Variants in OSBP2 observed in about 807,000 individuals in gnomAD.
The protein encoded by OSBP2 is oxysterol-binding protein 2.
In OSBP2, 66 loss-of-function variants were observed where a neutral mutation model predicts 96.0. The ratio of observed to expected loss-of-function variants is 0.69; its 90% CI spans 0.56 to 0.84. OSBP2 has a LOEUF of 0.84. Ranked by LOEUF, OSBP2 falls within the 40% of genes least tolerant of loss-of-function variation. OSBP2 has a pLI of 0.00. For missense variants in OSBP2, 1,038 were observed against 1,222.7 expected (o/e 0.85, Z 2.25); for synonymous variants, 525 against 520.9 (o/e 1.01, Z -0.11).
Position 30,871,786 on chromosome 22 carries a change from C to A in OSBP2, c.1107+1104C>A, listed in dbSNP as rs540334354. Among the ~76,000 whole-genome samples the A allele has an allele frequency of 6.6e-6, 1 of 152,334 alleles. No homozygotes were observed. The highest frequency in any genetic ancestry group is 2.4e-5 in the African/African-American group (1 of 41,588). ...ATAGAGGCTGGAGCTCACCGCAGGC[C>A]AAGAGCCCAGGCTAAAACCTGGGCA... On this transcript the variant is annotated intron_variant, in intron 3 of 13. Transcript: ENST00000332585. The surrounding 1 kb of genome is among the most constrained non-coding windows in gnomAD (Gnocchi z 4.7).
intron 2 of OSBP2, among the ~76,000 whole-genome samples, chr22:30,787,325 G>T (rs2090605140): frequency 6.6e-6 from 1 of 152,050 alleles, no homozygotes; most frequent in Non-Finnish European, 1.5e-5. Context: ...CTAAGAGGAG[G>T]GGGAAGCCCC....
chr22:30,902,681 C>G (rs9621131), intron 12 of OSBP2: 8 of 550,632 alleles, frequency 1.5e-5, no homozygotes, highest in Non-Finnish European at 2.4e-5. Flanking sequence ...GCTTAAACCT[C>G]GAATGTTGTG....
At chr22:30,900,168 C>A (rs2040165036) in intron 12 of OSBP2, among the ~76,000 whole-genome samples, 1 of 151,776 alleles carries the variant, frequency 6.6e-6, no homozygotes, top group South Asian at 2.1e-4. Context: ...GCAGGAGAAT[C>A]ACTTGAACCC....
At chr22:30,760,430 A>G (rs2090192678) in intron 2 of OSBP2, among the ~76,000 whole-genome samples, 1 of 152,236 alleles carries the variant, frequency 6.6e-6, no homozygotes, top group African/African-American at 2.4e-5. Context: ...AACCAGCAAT[A>G]CAATAGAATA....
intron 1 of OSBP2, among the ~76,000 whole-genome samples, chr22:30,710,479 TAGTGGA>T (rs2089329527): frequency 1.3e-5 from 2 of 152,318 alleles, no homozygotes; most frequent in South Asian, 4.1e-4. Context: ...TGTCTTTAGT[TAGTGGA>T]AGTCTCTTCA....
chr22:30,887,605 G>T lies in OSBP2; in HGVS notation c.1287G>T (p.Lys429Asn), dbSNP rs904655120. Residue 429 changes from lysine to asparagine, a missense_variant, in exon 4 of 14, where the codon AAG (lysine) becomes AAT (asparagine). This residue lies in a region of OSBP2 where 737 missense variants were observed against 913.3 expected (regional missense o/e 0.81). Coordinates refer to ENST00000332585, the MANE Select transcript of OSBP2 (RefSeq NM_030758.4). ...CTGGCCGGCCGGCCAACCCCTCCAA[G>T]AGCTTCATTGAGGGTGAGTGGGCAG... is the stretch of plus-strand genomic sequence containing the variant. ...SAPGRPANPS[K>N]SFIEGSLLTP... 3.8e-6 allele frequency: 6 copies of T among 1,599,730 alleles called. No individual in the cohort carries two copies. Among genetic ancestry groups the T allele is most frequent in the Non-Finnish European group, 4.3e-6 (5 of 1,173,994 alleles).
At chr22:30,848,714 C>G (rs1254783623) in intron 2 of OSBP2, among the ~76,000 whole-genome samples, 1 of 152,114 alleles carries the variant, frequency 6.6e-6, no homozygotes, top group Non-Finnish European at 1.5e-5. Context: ...CAGTATCATG[C>G]TTTTGAGGTT....
chr22:30,699,058 C>T (rs1262402893), intron 1 of OSBP2, among the ~76,000 whole-genome samples: 2 of 152,152 alleles, frequency 1.3e-5, no homozygotes, highest in African/African-American at 4.8e-5. Context: ...TCTCATGCCT[C>T]AGCCTCCTGA....
At chr22:30,904,613 C>T (rs2079221) in intron 12 of OSBP2, among the ~76,000 whole-genome samples, 58,773 of 150,936 alleles carry the variant, frequency 0.39, 12,160 homozygotes, top group East Asian at 0.67. Flanking sequence ...TATATATATA[C>T]ACACATTAGG....
At chr22:30,857,982 A>G (rs1173202617) in intron 2 of OSBP2, among the ~76,000 whole-genome samples, 1 of 152,216 alleles carries the variant, frequency 6.6e-6, no homozygotes, top group Admixed American at 6.5e-5. Flanking sequence ...TACACTGCAG[A>G]CAGAAGAGGC....
intron 12 of OSBP2, among the ~76,000 whole-genome samples, chr22:30,900,681 G>A (rs1183971641): frequency 1.3e-5 from 2 of 152,110 alleles, no homozygotes; most frequent in African/African-American, 4.8e-5. Context: ...GATCTTGTGG[G>A]AAGATGGAAT....
chr22:30,834,944 C>T (rs2038602485), intron 2 of OSBP2, among the ~76,000 whole-genome samples: 1 of 151,870 alleles, frequency 6.6e-6, no homozygotes, highest in Non-Finnish European at 1.5e-5. Context: ...GTCTCCTGAG[C>T]AGCTGAGAAT....
At chr22:30,891,996 A>C (rs1294048535) in intron 8 of OSBP2, among the ~76,000 whole-genome samples, 4 of 152,036 alleles carry the variant, frequency 2.6e-5, no homozygotes, top group African/African-American at 9.7e-5. Flanking sequence ...AAAGGAAAGG[A>C]GGGTGAAGAA....
chr22:30,889,244 G>C lies in OSBP2; in HGVS notation c.1476+10G>C. On this transcript the variant is annotated intron_variant, in intron 6 of 13. Transcript: ENST00000332585. ...GAGCTCAGCAGACAATGTAAGTGAG[G>C]GGGAGCACTGTAAGGGCCAGAAGGC... 1 of 1,612,396 alleles carries C rather than the reference G, an allele frequency of 6.2e-7. No individual in the cohort carries two copies. Among genetic ancestry groups the C allele is most frequent in the South Asian group, 1.1e-5 (1 of 90,968 alleles).
At position 30,717,090 on chromosome 22, in the gene OSBP2, T is replaced by TG. The variant is rs1555907469; in HGVS notation, c.644+21537_644+21538insG. ...CTATTTTGTTTTAATTTTACTGTTT[T>TG]TGTGTGTGTGTGTGTGTGTGTGTGT... On this transcript the variant is annotated intron_variant, in intron 1 of 13. Coordinates refer to ENST00000332585, the MANE Select transcript of OSBP2 (RefSeq NM_030758.4). 7.9e-3 allele frequency among the ~76,000 whole-genome samples: 934 copies of TG among 118,364 alleles called. 35 individuals carry two copies. The highest frequency in any genetic ancestry group is 0.065 in the Admixed American group (776 of 11,922). 77.7% of individuals were successfully genotyped at this position (118,364 alleles called of 152,430 possible).
intron 2 of OSBP2, among the ~76,000 whole-genome samples, chr22:30,849,286 G>T (rs1329493072): frequency 6.6e-6 from 1 of 151,944 alleles, no homozygotes; most frequent in Non-Finnish European, 1.5e-5. Context: ...GAAAAGAAAA[G>T]AAAGAATTTA....
At chr22:30,771,224 G>A (rs1013772681) in intron 2 of OSBP2, among the ~76,000 whole-genome samples, 1 of 152,206 alleles carries the variant, frequency 6.6e-6, no homozygotes. Context: ...CCTTACCTGT[G>A]TCTAGCCCAG....
chr22:30,828,590 G>T (rs2038454505), intron 2 of OSBP2, among the ~76,000 whole-genome samples: 1 of 152,238 alleles, frequency 6.6e-6, no homozygotes, highest in South Asian at 2.1e-4. Context: ...AGTGGGCAGG[G>T]ATCCCAGCAG....
chr22:30,704,949 T>C (rs2089228462), intron 1 of OSBP2, among the ~76,000 whole-genome samples: 1 of 152,206 alleles, frequency 6.6e-6, no homozygotes, highest in Non-Finnish European at 1.5e-5. Context: ...AGGTGTGAAC[T>C]CATTCCTCCT....
Sources: allele counts gnomAD v4.1 joint callset (sites outside exome capture counted in the v4.1 genomes callset), GRCh38; gene constraint gnomAD v4.1.1; regional missense constraint gnomAD v4.1.1; non-coding constraint Gnocchi (gnomAD v3.1); transcripts MANE v1.5; gene names NCBI Gene and HGNC (gene_info 2026-07-23, HGNC 2026-07-21).